The following IRF1 variants were observed in gnomAD, a reference collection of about 807,000 sequenced individuals.
IRF1 encodes interferon regulatory factor-1.
Under a neutral mutation model 43.7 loss-of-function variants are expected in IRF1, and 13 were observed. The observed-to-expected ratio is 0.30, with a 90% CI of 0.19 to 0.47. The LOEUF is 0.47. Ranked by LOEUF, IRF1 falls within the 20% of genes least tolerant of loss-of-function variation. The pLI is 0.99. For missense variants in IRF1, 236 were observed against 408.9 expected (o/e 0.58, Z 3.65); for synonymous variants, 138 against 146.8 (o/e 0.94, Z 0.43).
At chr5:132,486,179 T>C (rs939654042) in intron 7 of IRF1, 72 bp downstream of exon 7, 1 of 1,583,628 alleles carries the variant, frequency 6.3e-7, no homozygotes, top group African/African-American at 1.3e-5. Flanking sequence ...TCTGATCATC[T>C]TTTCTCTCTC....
intron 1 of IRF1, chr5:132,489,773 A>C: frequency 6.5e-6 from 2 of 308,324 alleles, no homozygotes; most frequent in Non-Finnish European, 1.3e-5. Flanking sequence ...AAGAGACAAA[A>C]TGCACAGATA....
Position 132,484,517 on chromosome 5 carries a change from A to AG in IRF1, c.718-21dup. 6.2e-7 allele frequency: 1 copy of AG among 1,613,854 alleles called. No individual in the cohort carries two copies. Among genetic ancestry groups the AG allele is most frequent in the Non-Finnish European group, 8.5e-7 (1 of 1,179,898 alleles). On this transcript the variant is annotated intron_variant, in intron 8 of 9. Coordinates refer to ENST00000245414, the MANE Select transcript of IRF1 (RefSeq NM_002198.3). ...CAAGAGCTGGGGACAGAAGAGCAAGAGGCTATCAACTCCCTTCCAGTGCAG... is the reference window on the plus strand; with the variant it reads ...CAAGAGCTGGGGACAGAAGAGCAAGAGGGCTATCAACTCCCTTCCAGTGCAG...
At chr5:132,487,736 C>T (rs2126841164) in intron 3 of IRF1, 190 bp downstream of exon 3, 4 of 585,320 alleles carry the variant, frequency 6.8e-6, no homozygotes, top group Non-Finnish European at 9.2e-6. Flanking sequence ...TGGCTTTTCC[C>T]TTTGAGAATT....
At chr5:132,487,391 A>G (rs1754563893) in intron 3 of IRF1, 5 of 504,472 alleles carry the variant, frequency 9.9e-6, no homozygotes, top group Non-Finnish European at 1.8e-5. Context: ...CCATATCCCC[A>G]AAGTGTACTA....
At chr5:132,484,562 C>T in intron 8 of IRF1, 65 bp from the exon 9 acceptor site, 1 of 1,594,706 alleles carries the variant, frequency 6.3e-7, no homozygotes, top group South Asian at 1.1e-5. Context: ...GTGGCCCTGC[C>T]CTCAATGAGC....
chr5:132,485,935 C>T (rs1224238666), intron 7 of IRF1: 4 of 600,322 alleles, frequency 6.7e-6, no homozygotes, highest in South Asian at 1.9e-5. Context: ...GAAGCCACGC[C>T]GCTTCCCACC....
At position 132,484,376 on chromosome 5, in the gene IRF1, A is replaced by G. The variant is rs773974970; in HGVS notation, c.839T>C (p.Ile280Thr). ...GDFSCKEEPE[I>T]DSPGGDIGLS... ...GGCCTTCTTACCCCCTGGGCTGTCA[A>G]TTTCTGGCTCCTCCTTACAGCTAAA... is the stretch of plus-strand genomic sequence containing the variant. The change falls in exon 9 of 10, where the codon ATT becomes ACT. Residue 280 changes from isoleucine (I) to threonine (T), a missense_variant. Ile to Thr is a moderately conservative substitution (Grantham distance 89). Around this residue, in one of 2 missense-constraint regions of IRF1, gnomAD observed 170 missense variants for 251.8 expected, o/e 0.68. Transcript: ENST00000245414. 6.2e-7 allele frequency: 1 copy of G among 1,613,998 alleles called. No homozygotes were observed. Among genetic ancestry groups the G allele is most frequent in the South Asian group, 1.1e-5 (1 of 91,072 alleles).
intron 8 of IRF1, 34 bp from the exon 9 acceptor site, chr5:132,484,531 C>T: frequency 2.5e-6 from 4 of 1,613,076 alleles, no homozygotes; most frequent in South Asian, 1.1e-5. Flanking sequence ...TATCAACTCC[C>T]TTCCAGTGCA....
At position 132,483,741 on chromosome 5, in the gene IRF1, G is replaced by A; in HGVS notation, c.*210C>T. 2 of 556,454 alleles carry A rather than the reference G, an allele frequency of 3.6e-6. No homozygotes were observed. The highest frequency in any genetic ancestry group is 3.1e-5 in the East Asian group (1 of 32,372). The allele number at this position is 556,454 out of a possible 1,614,324, so 34.5% of individuals were successfully genotyped here. On this transcript the variant is annotated 3_prime_UTR_variant, in exon 10 of 10. Coordinates refer to ENST00000245414, the MANE Select transcript of IRF1 (RefSeq NM_002198.3). ...AGAACCTCATCTTCCCAGGAGGCAG[G>A]GCCAGCTTTACACCACAAGAAAAAC...
intron 2 of IRF1, chr5:132,488,335 C>T (rs1580940913): frequency 3.5e-6 from 1 of 284,672 alleles, no homozygotes; most frequent in South Asian, 4.1e-5. Flanking sequence ...GGTTTTGAAG[C>T]TCTGGGATGT....
At chr5:132,484,212 C>T in intron 9 of IRF1, 137 bp from the exon 10 acceptor site, 1 of 1,453,246 alleles carries the variant, frequency 6.9e-7, no homozygotes, top group Non-Finnish European at 9.4e-7. Flanking sequence ...TTCAGGCAAA[C>T]CTTAAGGCAT....
intron 1 of IRF1, 116 bp from the exon 2 acceptor site, chr5:132,489,599 T>A: frequency 1.3e-6 from 1 of 742,312 alleles, no homozygotes; most frequent in Non-Finnish European, 2.4e-6. Context: ...AGCTGCTAGG[T>A]ACTACACTCA....
intron 3 of IRF1, 182 bp from the exon 4 acceptor site, chr5:132,487,312 A>C: frequency 3.1e-6 from 2 of 639,370 alleles, no homozygotes. Flanking sequence ...GCCTTCTCAA[A>C]TGCCCAGGCT....
intron 1 of IRF1, chr5:132,489,937 C>G (rs1018750518): frequency 3.4e-4 from 60 of 174,678 alleles, no homozygotes; most frequent in African/African-American, 1.1e-3. Flanking sequence ...CTCCCGCCCC[C>G]CTGAATCCAT....
intron 2 of IRF1, 120 bp downstream of exon 2, chr5:132,489,272 G>T: frequency 1.3e-6 from 1 of 779,266 alleles, no homozygotes; most frequent in Non-Finnish European, 2.2e-6. Flanking sequence ...AGGACCCACT[G>T]GGAGAAACAC....
At chr5:132,489,202 G>C (rs911643302) in intron 2 of IRF1, 190 bp downstream of exon 2, 7 of 551,712 alleles carry the variant, frequency 1.3e-5, no homozygotes, top group African/African-American at 1.1e-4. Context: ...CTCAAGAAGG[G>C]AAGAAGGCAG....
At position 132,483,513 on chromosome 5, in the gene IRF1, T is replaced by C. The variant is rs2126835657; in HGVS notation, c.*438A>G. On this transcript the variant is annotated 3_prime_UTR_variant, in exon 10 of 10. Coordinates refer to ENST00000245414, the MANE Select transcript of IRF1 (RefSeq NM_002198.3). ...AGGGCTCAGCTGAAAAGGGGGTAGT[T>C]CTTTGGGAACGAGATTCATTTAGTG... is the stretch of plus-strand genomic sequence containing the variant. The C allele has an allele frequency of 6.2e-6, 1 of 160,470 alleles. No homozygotes were observed. Among genetic ancestry groups the C allele is most frequent in the African/African-American group, 2.4e-5 (1 of 41,702 alleles). The allele number at this position is 160,470 out of a possible 1,614,324, so 9.9% of individuals were successfully genotyped here. A position where few individuals can be genotyped will look rare whatever the true frequency, so the allele number is the denominator to read the frequency against.
At chr5:132,486,046 C>A (rs2070726) in intron 7 of IRF1, 233,652 of 677,058 alleles carry the variant, frequency 0.35, 41,450 homozygotes, top group African/African-American at 0.49. Flanking sequence ...CCTCCTCTCA[C>A]CAGCCCCCAC....
At chr5:132,488,970 G>C (rs1276791959) in intron 2 of IRF1, 1 of 188,700 alleles carries the variant, frequency 5.3e-6, no homozygotes, top group African/African-American at 2.3e-5. Flanking sequence ...TCTTGGGCCA[G>C]AGTGACTGGT....
Sources: gnomAD v4.1 joint callset for allele counts on GRCh38, gnomAD v4.1.1 for gene constraint, gnomAD v4.1.1 regional missense constraint, MANE v1.5 for transcripts, NCBI Gene and HGNC (gene_info 2026-07-23, HGNC 2026-07-21) for gene names.